Variants in BCL6 observed in about 807,000 individuals in gnomAD.
The protein encoded by BCL6 is B-cell lymphoma 6 protein.
A neutral mutation model predicts 59.5 loss-of-function variants in BCL6; 7 were observed. That is an observed-to-expected ratio of 0.12 (90% CI 0.07 to 0.22). The LOEUF is 0.22. Ranked by LOEUF, BCL6 falls within the 10% of genes least tolerant of loss-of-function variation. The pLI is 1.00. For synonymous variants in BCL6, 339 were observed against 349.7 expected, an observed-to-expected ratio of 0.97 and a Z score of 0.34; for missense variants, 685 against 939.4, an observed-to-expected ratio of 0.73 and a Z score of 3.54.
intron 1 of BCL6, among the ~76,000 whole-genome samples, chr3:187,745,155 T>A (rs575776096): frequency 2.6e-5 from 4 of 152,136 alleles, no homozygotes; most frequent in East Asian, 3.9e-4. Context: ...ATCTATATCC[T>A]ATGGTGGGAG....
intron 1 of BCL6, among the ~76,000 whole-genome samples, chr3:187,744,795 A>G (rs547926706): frequency 6.8e-6 from 1 of 147,860 alleles, no homozygotes; most frequent in East Asian, 2.0e-4. Context: ...AGGGAAGCGG[A>G]GGCCAGGAGC....
chr3:187,734,947 C>T (rs931746793), intron 1 of BCL6, 40 bp from the exon 2 acceptor site: 6 of 152,648 alleles, frequency 3.9e-5, no homozygotes, highest in African/African-American at 7.2e-5. Context: ...ATTGATTTAA[C>T]GAATGTAAGA....
intron 9 of BCL6, 39 bp from the exon 10 acceptor site, chr3:187,722,640 A>G (rs776136211): frequency 6.3e-7 from 1 of 1,597,126 alleles, no homozygotes; most frequent in South Asian, 1.1e-5. Flanking sequence ...GCTGTCATCA[A>G]CCCAAGAAAG....
At chr3:187,743,883 A>AT (rs1711729729) in intron 1 of BCL6, among the ~76,000 whole-genome samples, 1 of 152,098 alleles carries the variant, frequency 6.6e-6, no homozygotes, top group African/African-American at 2.4e-5. Flanking sequence ...CTCGCAATCT[A>AT]TTTTTGCAAA....
At chr3:187,731,663 G>T in intron 4 of BCL6, 46 bp downstream of exon 4, 2 of 1,577,160 alleles carry the variant, frequency 1.3e-6, no homozygotes, top group South Asian at 1.1e-5. Flanking sequence ...TCTGATCGGG[G>T]ACTATCTCTT....
At chr3:187,738,484 T>G (rs768662057) in intron 1 of BCL6, among the ~76,000 whole-genome samples, 10 of 152,228 alleles carry the variant, frequency 6.6e-5, no homozygotes, top group Non-Finnish European at 1.5e-4. Context: ...CCGAATCCGA[T>G]TTCCCCGAAA....
At chr3:187,741,800 G>A (rs1286623858) in intron 1 of BCL6, among the ~76,000 whole-genome samples, 2 of 152,044 alleles carry the variant, frequency 1.3e-5, no homozygotes, top group Non-Finnish European at 2.9e-5. Flanking sequence ...TGCCACCGCC[G>A]GCAAAACTAC....
At chr3:187,740,788 G>T (rs1711559961) in intron 1 of BCL6, among the ~76,000 whole-genome samples, 2 of 152,214 alleles carry the variant, frequency 1.3e-5, no homozygotes, top group African/African-American at 4.8e-5. Flanking sequence ...ACAGGAAGAT[G>T]GTGTGTTCGA....
intron 5 of BCL6, 77 bp downstream of exon 5, chr3:187,728,973 G>A: frequency 1.3e-6 from 2 of 1,492,190 alleles, no homozygotes; most frequent in Non-Finnish European, 1.8e-6. Context: ...CAGCAATTCA[G>A]GCAAGAAAAG....
intron 2 of BCL6, 54 bp from the exon 3 acceptor site, chr3:187,733,757 G>A (rs779085006): frequency 1.1e-5 from 18 of 1,591,666 alleles, no homozygotes; most frequent in Non-Finnish European, 1.4e-5. Flanking sequence ...TTTCCTGCTT[G>A]CCACAGGTAT....
Position 187,722,135 on chromosome 3 carries a change from G to T in BCL6, c.*323C>A. 3.7e-6 allele frequency: 1 copy of T among 267,122 alleles called. No homozygotes were observed. Among genetic ancestry groups the T allele is most frequent in the South Asian group, 1.5e-4 (1 of 6,650 alleles). 16.5% of individuals were successfully genotyped at this position (267,122 alleles called of 1,614,324 possible). Reference sequence around the variant, plus strand: ...AAACATATACATTCCTCATTTTGCAGACTAAAGTCAAGTCAGAACTTTTGC... The same window carrying T: ...AAACATATACATTCCTCATTTTGCATACTAAAGTCAAGTCAGAACTTTTGC... On this transcript the variant is annotated 3_prime_UTR_variant, in exon 10 of 10. Coordinates refer to ENST00000406870, the MANE Select transcript of BCL6 (RefSeq NM_001706.5).
At chr3:187,730,133 G>A (rs1718968516) in intron 4 of BCL6, 112 bp from the exon 5 acceptor site, 2 of 1,402,060 alleles carry the variant, frequency 1.4e-6, no homozygotes, top group Admixed American at 2.8e-5. Flanking sequence ...GCTAGACATA[G>A]GTGACGTGGC....
At chr3:187,731,654 C>A in intron 4 of BCL6, 55 bp downstream of exon 4, 1 of 1,556,558 alleles carries the variant, frequency 6.4e-7, no homozygotes, top group East Asian at 2.2e-5. Flanking sequence ...TCAAAGGTTT[C>A]TGATCGGGGA....
intron 1 of BCL6, chr3:187,737,320 AAGAG>A (rs1422131005): frequency 6.7e-6 from 1 of 148,696 alleles, no homozygotes; most frequent in Non-Finnish European, 1.5e-5. Context: ...AAAAAAAGCA[AAGAG>A]AGAGAGAAGA....
intron 1 of BCL6, among the ~76,000 whole-genome samples, chr3:187,744,145 A>T (rs542872503): frequency 2.0e-5 from 3 of 152,284 alleles, no homozygotes; most frequent in East Asian, 1.9e-4. Context: ...AATAAAATTT[A>T]GGAAAGGGAG....
intron 4 of BCL6, among the ~76,000 whole-genome samples, chr3:187,731,333 G>A (rs1319196079): frequency 2.6e-5 from 4 of 152,132 alleles, no homozygotes; most frequent in Admixed American, 6.6e-5. Context: ...AAAATAGAAG[G>A]AAAGTTTAAA....
intron 1 of BCL6, among the ~76,000 whole-genome samples, chr3:187,738,580 C>G (rs952422270): frequency 6.6e-6 from 1 of 152,196 alleles, no homozygotes; most frequent in African/African-American, 2.4e-5. Flanking sequence ...GCCTCGCCTT[C>G]CTGTGGCCCT....
At chr3:187,741,960 C>A (rs932951382) in intron 1 of BCL6, among the ~76,000 whole-genome samples, 3 of 151,856 alleles carry the variant, frequency 2.0e-5, no homozygotes, top group Non-Finnish European at 4.4e-5. Context: ...TTAAAATCAA[C>A]CAGGCACCCT....
chr3:187,728,577 T>TCAGCA, intron 5 of BCL6, 33 bp from the exon 6 acceptor site: 1 of 1,579,166 alleles, frequency 6.3e-7, no homozygotes, highest in South Asian at 1.1e-5. Flanking sequence ...CCTCAGCACC[T>TCAGCA]GGGGCAGGGC....
Sources: allele counts gnomAD v4.1 joint callset (sites outside exome capture counted in the v4.1 genomes callset), GRCh38; gene constraint gnomAD v4.1.1; transcripts MANE v1.5; gene names NCBI Gene and HGNC (gene_info 2026-07-23, HGNC 2026-07-21).